Variants in ZFPM2 observed in about 807,000 individuals in gnomAD.
ZFPM2 encodes the protein zinc finger protein ZFPM2.
A neutral mutation model predicts 98.6 loss-of-function variants in ZFPM2; 20 were observed. That is an observed-to-expected ratio of 0.20 (90% CI 0.14 to 0.29). The LOEUF is 0.29. Ranked by LOEUF, ZFPM2 falls within the 10% of genes least tolerant of loss-of-function variation. The pLI is 1.00. For missense variants in ZFPM2, 1,310 were observed against 1,388.6 expected (o/e 0.94, Z 0.90); for synonymous variants, 518 against 502.7 (o/e 1.03, Z -0.41).
At chr8:105,453,522 G>C (rs1480040912) in intron 3 of ZFPM2, among the ~76,000 whole-genome samples, 1 of 152,096 alleles carries the variant, frequency 6.6e-6, no homozygotes, top group Non-Finnish European at 1.5e-5. Flanking sequence ...GAAGAGGGAA[G>C]AGTACAATGA....
At chr8:105,650,199 A>T (rs1390246533) in intron 5 of ZFPM2, among the ~76,000 whole-genome samples, 1 of 152,064 alleles carries the variant, frequency 6.6e-6, no homozygotes, top group African/African-American at 2.4e-5. Flanking sequence ...GGTAGTTTGT[A>T]TTTCTATGGG....
intron 4 of ZFPM2, among the ~76,000 whole-genome samples, chr8:105,588,179 A>G (rs1815766288): frequency 6.6e-6 from 1 of 152,192 alleles, no homozygotes; most frequent in South Asian, 2.1e-4. Context: ...CAAGATAAGA[A>G]TTGAATTAAA....
chr8:105,437,976 G>T (rs1812159087), intron 2 of ZFPM2, among the ~76,000 whole-genome samples: 1 of 152,156 alleles, frequency 6.6e-6, no homozygotes, highest in South Asian at 2.1e-4. Context: ...CCAGGAAGTG[G>T]AGGTTGCAGT....
intron 5 of ZFPM2, among the ~76,000 whole-genome samples, chr8:105,704,210 G>A (rs1811206372): frequency 1.3e-5 from 2 of 152,258 alleles, no homozygotes; most frequent in South Asian, 4.1e-4. Context: ...CGTGGATTTT[G>A]CATTACTGAA....
At chr8:105,711,522 T>A (rs938223547) in intron 5 of ZFPM2, among the ~76,000 whole-genome samples, 2 of 152,128 alleles carry the variant, frequency 1.3e-5, no homozygotes, top group Non-Finnish European at 2.9e-5. Flanking sequence ...CTTCTAGACA[T>A]ACTCTTTGTA....
intron 1 of ZFPM2, among the ~76,000 whole-genome samples, chr8:105,372,004 AATTATTATT>A (rs139489210): frequency 0.026 from 3,828 of 145,708 alleles, 47 homozygotes; most frequent in Middle Eastern, 0.04. Flanking sequence ...AAAATAGTGA[AATTATTATT>A]ATTATTATTA....
intron 4 of ZFPM2, 22 bp downstream of exon 4, chr8:105,561,503 G>A (rs1298037709): frequency 6.4e-7 from 1 of 1,554,088 alleles, no homozygotes; most frequent in East Asian, 2.3e-5. Context: ...TTCCGAGATG[G>A]TTAATATTTT....
At chr8:105,479,655 C>G (rs1191336215) in intron 3 of ZFPM2, among the ~76,000 whole-genome samples, 1 of 152,104 alleles carries the variant, frequency 6.6e-6, no homozygotes, top group Non-Finnish European at 1.5e-5. Context: ...AAACTTGTTG[C>G]ATTTCTATTT....
intron 5 of ZFPM2, among the ~76,000 whole-genome samples, chr8:105,667,117 C>T (rs1799383045): frequency 6.6e-6 from 1 of 152,018 alleles, no homozygotes; most frequent in Admixed American, 6.6e-5. Context: ...GATATTTTCT[C>T]AGAAATAAAT....
intron 1 of ZFPM2, among the ~76,000 whole-genome samples, chr8:105,375,231 C>T (rs1353514763): frequency 6.6e-6 from 1 of 152,070 alleles, no homozygotes; most frequent in African/African-American, 2.4e-5. Flanking sequence ...ATGTACCACA[C>T]TTGAGAAAGG....
chr8:105,565,693 A>T (rs1458901657), intron 4 of ZFPM2, among the ~76,000 whole-genome samples: 3 of 152,210 alleles, frequency 2.0e-5, no homozygotes, highest in Non-Finnish European at 4.4e-5. Flanking sequence ...CACACATTTC[A>T]ACTACTTTTA....
At chr8:105,691,516 G>T (rs1810881871) in intron 5 of ZFPM2, among the ~76,000 whole-genome samples, 1 of 151,742 alleles carries the variant, frequency 6.6e-6, no homozygotes, top group Admixed American at 6.6e-5. Context: ...CCAAAGTGCT[G>T]GGATTACAGG....
intron 3 of ZFPM2, among the ~76,000 whole-genome samples, chr8:105,553,767 G>C (rs1408860304): frequency 3.3e-5 from 5 of 152,146 alleles, no homozygotes; most frequent in Non-Finnish European, 7.4e-5. Flanking sequence ...CCATCTGTTA[G>C]AGTTACATAT....
chr8:105,550,267 T>C (rs1426838668), intron 3 of ZFPM2, among the ~76,000 whole-genome samples: 1 of 152,164 alleles, frequency 6.6e-6, no homozygotes, highest in Non-Finnish European at 1.5e-5. Flanking sequence ...ACATTCTGCT[T>C]TCCAAATTGA....
chr8:105,742,498 G>T (rs116368688), intron 5 of ZFPM2, among the ~76,000 whole-genome samples: 2 of 151,712 alleles, frequency 1.3e-5, no homozygotes, highest in South Asian at 2.1e-4. Flanking sequence ...AGAGAGGGTC[G>T]TGATTCCGAG....
At chr8:105,487,564 G>A (rs1054743071) in intron 3 of ZFPM2, among the ~76,000 whole-genome samples, 4 of 152,096 alleles carry the variant, frequency 2.6e-5, no homozygotes, top group East Asian at 3.9e-4. Flanking sequence ...ATACTTTGAC[G>A]TTGTTGTGCA....
At chr8:105,770,859 AGCT>A (rs1456302046) in intron 5 of ZFPM2, among the ~76,000 whole-genome samples, 1 of 152,172 alleles carries the variant, frequency 6.6e-6, no homozygotes, top group Non-Finnish European at 1.5e-5. Context: ...AGACTTAGGT[AGCT>A]GTGGAGAATT....
chr8:105,565,733 T>C (rs1815230044), intron 4 of ZFPM2, among the ~76,000 whole-genome samples: 1 of 152,208 alleles, frequency 6.6e-6, no homozygotes, highest in South Asian at 2.1e-4. Context: ...AGTGAACCCA[T>C]TGAAATCTTT....
intron 5 of ZFPM2, among the ~76,000 whole-genome samples, chr8:105,775,589 G>A (rs774394039): frequency 1.4e-4 from 22 of 152,248 alleles, no homozygotes; most frequent in South Asian, 4.2e-4. Context: ...GTTGATAAAT[G>A]CTTTTGTTTA....
Sources: allele counts gnomAD v4.1 joint callset (sites outside exome capture counted in the v4.1 genomes callset), GRCh38; gene constraint gnomAD v4.1.1; transcripts MANE v1.5; gene names NCBI Gene and HGNC (gene_info 2026-07-23, HGNC 2026-07-21).